PTPN21: variants seen among roughly 807,000 people sequenced by gnomAD.
The protein encoded by PTPN21 is protein tyrosine phosphatase non-receptor type 21.
In PTPN21, 77 loss-of-function variants were observed where a neutral mutation model predicts 131.8. The ratio of observed to expected loss-of-function variants is 0.58; its 90% CI spans 0.49 to 0.71. The LOEUF is 0.71. Ranked by LOEUF, PTPN21 falls within the 30% of genes least tolerant of loss-of-function variation. PTPN21 has a pLI of 0.00. For missense variants in PTPN21, 1,552 were observed against 1,527.1 expected (o/e 1.02, Z -0.27); for synonymous variants, 715 against 621.3 (o/e 1.15, Z -2.24).
intron 18 of PTPN21, 23 bp downstream of exon 18, chr14:88,468,893 C>CA (rs2077408287): frequency 1.2e-6 from 2 of 1,613,712 alleles, no homozygotes; most frequent in Non-Finnish European, 1.7e-6. Flanking sequence ...CCAAAAAGGC[C>CA]AGGTGATCAT....
In PTPN21 at chr14:88,550,523, A is replaced by G; in HGVS notation, c.-106T>C. The G allele has an allele frequency of 1.8e-6, 2 of 1,104,728 alleles. No homozygotes were observed. The highest frequency in any genetic ancestry group is 2.6e-6 in the Non-Finnish European group (2 of 782,648). 68.4% of individuals were successfully genotyped at this position (1,104,728 alleles called of 1,614,324 possible). On this transcript the variant is annotated 5_prime_UTR_variant, in exon 2 of 19. Coordinates refer to ENST00000556564, the MANE Select transcript of PTPN21 (RefSeq NM_007039.4). ...GCGATCCTCTCCGGATGGGACGAAC[A>G]CTGTCCGGCCTCCAGCTGCTCACCC...
chr14:88,518,277 C>T (rs1421293365), intron 2 of PTPN21, among the ~76,000 whole-genome samples: 5 of 76,318 alleles, frequency 6.6e-5, no homozygotes, highest in African/African-American at 2.1e-4. Flanking sequence ...TATATATACA[C>T]ACACACATAC....
intron 10 of PTPN21, among the ~76,000 whole-genome samples, chr14:88,487,554 G>T (rs998096060): frequency 6.6e-6 from 1 of 151,626 alleles, no homozygotes; most frequent in Non-Finnish European, 1.5e-5. Context: ...AAGAAAACTA[G>T]TACATACTAG....
In PTPN21 at chr14:88,473,812, G is replaced by T; in HGVS notation, c.2512-10C>A. The T allele has an allele frequency of 1.3e-6, 2 of 1,593,758 alleles. No individual in the cohort carries two copies. Among genetic ancestry groups the T allele is most frequent in the Non-Finnish European group, 1.7e-6 (2 of 1,174,160 alleles). ...GAGTCTTTTTCATTCCCTGTAAAAG[G>T]ATTTATATGTATATATGAAATATAC... On this transcript the variant is annotated splice_polypyrimidine_tract_variant and intron_variant, in intron 13 of 18. Transcript: ENST00000556564.
At chr14:88,478,635 T>A (rs2077582066) in intron 13 of PTPN21, among the ~76,000 whole-genome samples, 1 of 152,006 alleles carries the variant, frequency 6.6e-6, no homozygotes, top group Non-Finnish European at 1.5e-5. Context: ...AGTGCATTAC[T>A]AAAACATTTC....
Position 88,467,204 on chromosome 14 carries a change from C to A in PTPN21, c.*933G>T, listed in dbSNP as rs1451316591. The A allele has an allele frequency of 2.0e-5, 3 of 152,170 alleles. No individual in the cohort carries two copies. Among genetic ancestry groups the A allele is most frequent in the Middle Eastern group, 3.2e-3 (1 of 316 alleles). 9.4% of individuals were successfully genotyped at this position (152,170 alleles called of 1,614,324 possible). A position where few individuals can be genotyped will look rare whatever the true frequency, so the allele number is the denominator to read the frequency against. On this transcript the variant is annotated 3_prime_UTR_variant, in exon 19 of 19. Coordinates refer to ENST00000556564, the MANE Select transcript of PTPN21 (RefSeq NM_007039.4). ...TCTTAGTCCTTAATCTCTCCCAAAA[C>A]GCTTCTCAGCGCCCATTGTTATTGT...
At chr14:88,480,478 C>T (rs1444888556) in intron 12 of PTPN21, 126 bp from the exon 13 acceptor site, 6 of 790,150 alleles carry the variant, frequency 7.6e-6, no homozygotes, top group Non-Finnish European at 9.9e-6. Flanking sequence ...GCTAGAATGA[C>T]CTAGCTTTAG....
chr14:88,536,436 T>G (rs2078632345), intron 2 of PTPN21, among the ~76,000 whole-genome samples: 1 of 152,246 alleles, frequency 6.6e-6, no homozygotes, highest in African/African-American at 2.4e-5. Flanking sequence ...TTACTTTACA[T>G]GAACTGATGT....
chr14:88,493,101 G>C (rs550436969), intron 10 of PTPN21: 1 of 456,594 alleles, frequency 2.2e-6, no homozygotes, highest in South Asian at 1.6e-5. Context: ...TTTCACTTCT[G>C]TAAGTCTCCA....
chr14:88,489,438 A>C (rs1254374252), intron 10 of PTPN21, among the ~76,000 whole-genome samples: 1 of 152,044 alleles, frequency 6.6e-6, no homozygotes, highest in East Asian at 1.9e-4. Context: ...CCAGGGGTTT[A>C]AGACCAGCCT....
intron 1 of PTPN21, chr14:88,551,412 G>A (rs1017638272): frequency 6.6e-6 from 1 of 152,242 alleles, no homozygotes; most frequent in Non-Finnish European, 1.5e-5. Context: ...AGCCCACGGG[G>A]CCTTGGAGCA....
At position 88,497,183 on chromosome 14, in the gene PTPN21, G is replaced by A. The variant is rs535799285; in HGVS notation, c.852+20C>T. 18 of 1,557,586 alleles carry A rather than the reference G, an allele frequency of 1.2e-5. No homozygotes were observed. In the East Asian group the frequency reaches 4.0e-4, roughly 35 times the overall value. The stretch of plus-strand genomic sequence containing the variant: ...ACTTTTAGGAAAAACATTCCATGCA[G>A]ACCCCTAATGTTTACTCACAGTTTG... On this transcript the variant is annotated intron_variant, in intron 9 of 18. Transcript: ENST00000556564.
chr14:88,468,105 A>G lies in PTPN21; in HGVS notation c.*32T>C, dbSNP rs1212360597. ...TTTTTTTTTAAGCTGTAAACGCTTC[A>G]CATGACTGGCCCCGTAAGAAATTGT... On this transcript the variant is annotated 3_prime_UTR_variant, in exon 19 of 19. Coordinates refer to ENST00000556564, the MANE Select transcript of PTPN21 (RefSeq NM_007039.4). 1.9e-6 allele frequency: 3 copies of G among 1,612,050 alleles called. No individual in the cohort carries two copies. The highest frequency in any genetic ancestry group is 2.5e-6 in the Non-Finnish European group (3 of 1,178,264).
intron 12 of PTPN21, among the ~76,000 whole-genome samples, chr14:88,480,919 G>C (rs995486612): frequency 1.3e-5 from 2 of 152,204 alleles, no homozygotes; most frequent in African/African-American, 4.8e-5. Flanking sequence ...GCCAAGAGGA[G>C]CCACATTAAA....
rs1052500419 is a variant in PTPN21 at position 88,466,971 on chromosome 14, G to C, written c.*1166C>G. 1 of 152,164 alleles carries C rather than the reference G, an allele frequency of 6.6e-6. No individual in the cohort carries two copies. The highest frequency in any genetic ancestry group is 1.5e-5 in the Non-Finnish European group (1 of 68,044). 9.4% of individuals were successfully genotyped at this position (152,164 alleles called of 1,614,324 possible). On this transcript the variant is annotated 3_prime_UTR_variant, in exon 19 of 19. Transcript: ENST00000556564. ...TTATTTATGAAAAAGAAACAATACAGGTTGAGGTGGGAAAAGCCCCAAGGA... is the reference window on the plus strand; with the variant it reads ...TTATTTATGAAAAAGAAACAATACACGTTGAGGTGGGAAAAGCCCCAAGGA...
intron 3 of PTPN21, among the ~76,000 whole-genome samples, chr14:88,514,344 T>A (rs1305504079): frequency 6.6e-6 from 1 of 152,214 alleles, no homozygotes; most frequent in African/African-American, 2.4e-5. Flanking sequence ...CTTAATTTTT[T>A]AAGTTCATTT....
chr14:88,534,272 A>G (rs995171856), intron 2 of PTPN21, among the ~76,000 whole-genome samples: 3 of 151,878 alleles, frequency 2.0e-5, no homozygotes, highest in Non-Finnish European at 4.4e-5. Flanking sequence ...AATCCCAGCT[A>G]CTTGGGAGGC....
At position 88,467,310 on chromosome 14, in the gene PTPN21, T is replaced by C. The variant is rs1285037614; in HGVS notation, c.*827A>G. 6.6e-6 allele frequency: 1 copy of C among 152,210 alleles called. No homozygotes were observed. Among genetic ancestry groups the C allele is most frequent in the East Asian group, 1.9e-4 (1 of 5,198 alleles). The allele number at this position is 152,210 out of a possible 1,614,324, so 9.4% of individuals were successfully genotyped here. A position where few individuals can be genotyped will look rare whatever the true frequency, so the allele number is the denominator to read the frequency against. ...TGCTTAAAACCACCCTAGGCAATTG[T>C]TTTTCACTTCATTTTCAACCAATAA... is the stretch of plus-strand genomic sequence containing the variant. On this transcript the variant is annotated 3_prime_UTR_variant, in exon 19 of 19. Coordinates refer to ENST00000556564, the MANE Select transcript of PTPN21 (RefSeq NM_007039.4).
At chr14:88,521,678 T>C (rs531305336) in intron 2 of PTPN21, among the ~76,000 whole-genome samples, 1 of 151,966 alleles carries the variant, frequency 6.6e-6, no homozygotes, top group Non-Finnish European at 1.5e-5. Flanking sequence ...CCCAAAGTGC[T>C]GAGATTACAG....
Sources: allele counts gnomAD v4.1 joint callset (sites outside exome capture counted in the v4.1 genomes callset), GRCh38; gene constraint gnomAD v4.1.1; transcripts MANE v1.5; gene names NCBI Gene and HGNC (gene_info 2026-07-23, HGNC 2026-07-21).